Variants in CACHD1 observed in about 807,000 individuals in gnomAD.
CACHD1 encodes the protein cache domain containing 1.
A neutral mutation model predicts 138.7 loss-of-function variants in CACHD1; 71 were observed. That is an observed-to-expected ratio of 0.51 (90% confidence interval 0.42 to 0.62). The LOEUF (loss-of-function observed/expected upper bound fraction) is 0.62. CACHD1 is among the 20% of genes least tolerant of loss of function. The probability of loss-of-function intolerance (pLI) is 0.00; values close to 1 mark genes in which losing one functional copy is unlikely to be tolerated. For synonymous variants in CACHD1, 578 were observed against 591.5 expected (o/e 0.98, Z 0.33); for missense variants, 1,389 against 1,625.3 (o/e 0.85, Z 2.50).
intron 1 of CACHD1, among the ~76,000 whole-genome samples, chr1:64,491,599 C>T (rs1485804513): frequency 1.3e-5 from 2 of 152,258 alleles, no homozygotes; most frequent in South Asian, 2.1e-4. Flanking sequence ...CTCCAGGACC[C>T]TCCCCTGACA....
chr1:64,470,441 C>A lies in CACHD1; in HGVS notation c.-304C>A, dbSNP rs1349359786. 4.6e-5 allele frequency among the ~76,000 whole-genome samples: 7 copies of A among 151,496 alleles called. No individual in the cohort carries two copies. Among genetic ancestry groups the A allele is most frequent in the African/African-American group, 1.5e-4 (6 of 41,358 alleles). ...GGGCCCGCGCACCCCGGCCTGCGGG[C>A]GCCCCTGCTCTCGGAGACGCCCTCT... On this transcript the variant is annotated 5_prime_UTR_variant, in exon 1 of 27. Transcript: ENST00000651257. This position sits in a 1 kb window ranked among gnomAD's most constrained non-coding sequence, Gnocchi z 5.2.
intron 1 of CACHD1, among the ~76,000 whole-genome samples, chr1:64,499,228 G>GC: frequency 6.6e-6 from 1 of 152,286 alleles, no homozygotes; most frequent in South Asian, 2.1e-4. Flanking sequence ...GACTTGACCA[G>GC]CCCCTTATGG....
chr1:64,608,756 C>T (rs962342080), intron 4 of CACHD1, among the ~76,000 whole-genome samples: 1 of 152,126 alleles, frequency 6.6e-6, no homozygotes. Context: ...TACTTTCTCA[C>T]TCTCTCTCTT....
rs1646135097 is a variant in CACHD1 at position 64,470,363 on chromosome 1, G to A, written c.-382G>A. 6.6e-6 allele frequency among the ~76,000 whole-genome samples: 1 copy of A among 151,724 alleles called. No individual in the cohort carries two copies. The highest frequency in any genetic ancestry group is 2.4e-5 in the African/African-American group (1 of 41,386). On this transcript the variant is annotated 5_prime_UTR_variant, in exon 1 of 27. Coordinates refer to ENST00000651257, the MANE Select transcript of CACHD1 (RefSeq NM_020925.4). This position sits in a 1 kb window ranked among gnomAD's most constrained non-coding sequence, Gnocchi z 5.2. ...CTGGGACTCGCAGGAAGCGAGAGCC[G>A]CGCGGCTCGGCTCGGGCTCCGACTC...
intron 1 of CACHD1, among the ~76,000 whole-genome samples, chr1:64,526,391 CT>C (rs71584454): frequency 4.0e-5 from 6 of 151,052 alleles, no homozygotes; most frequent in African/African-American, 9.7e-5. Context: ...CTGCAAGTGC[CT>C]TTTTTTTTAA....
At chr1:64,595,622 A>G (rs1426299799) in intron 3 of CACHD1, among the ~76,000 whole-genome samples, 1 of 152,136 alleles carries the variant, frequency 6.6e-6, no homozygotes, top group African/African-American at 2.4e-5. Context: ...GATGAGGAAG[A>G]TAAGGATAAA....
intron 1 of CACHD1, among the ~76,000 whole-genome samples, chr1:64,505,531 C>A (rs1646366261): frequency 6.8e-6 from 1 of 147,116 alleles, no homozygotes; most frequent in African/African-American, 2.5e-5. Context: ...GACCTCCCCG[C>A]CCCCGGGCCG....
intron 1 of CACHD1, among the ~76,000 whole-genome samples, chr1:64,538,221 CT>C (rs1195390334): frequency 6.6e-6 from 1 of 152,156 alleles, no homozygotes; most frequent in Non-Finnish European, 1.5e-5. Context: ...TCCATAAAGG[CT>C]CACTACTTTG....
chr1:64,566,477 AT>A (rs1646881252), intron 2 of CACHD1, among the ~76,000 whole-genome samples: 1 of 9,680 alleles, frequency 1.0e-4, no homozygotes, highest in African/African-American at 3.0e-4. Context: ...TATGTTTTCA[AT>A]TCCCCCCCCC....
chr1:64,523,949 G>A (rs1646517631), intron 1 of CACHD1, among the ~76,000 whole-genome samples: 1 of 151,758 alleles, frequency 6.6e-6, no homozygotes, highest in South Asian at 2.1e-4. Context: ...CCAAGAACAA[G>A]ATTCTTGCAT....
chr1:64,614,136 A>C (rs1647627020), intron 4 of CACHD1, among the ~76,000 whole-genome samples: 1 of 152,244 alleles, frequency 6.6e-6, no homozygotes, highest in South Asian at 2.1e-4. Context: ...GGTATGAATA[A>C]ATAAGTGAAT....
chr1:64,503,246 G>C (rs1020657078), intron 1 of CACHD1, among the ~76,000 whole-genome samples: 1 of 152,158 alleles, frequency 6.6e-6, no homozygotes. Flanking sequence ...TGGAACAGCT[G>C]TGTTTTGGTA....
At chr1:64,632,515 T>G (rs999141087) in intron 5 of CACHD1, 84 bp from the exon 6 acceptor site, 2 of 1,403,690 alleles carry the variant, frequency 1.4e-6, no homozygotes, top group Non-Finnish European at 2.0e-6. Flanking sequence ...AACATGCCCA[T>G]GCACTGTAGT....
At chr1:64,665,832 G>T (rs548482594) in intron 15 of CACHD1, among the ~76,000 whole-genome samples, 1 of 151,930 alleles carries the variant, frequency 6.6e-6, no homozygotes, top group African/African-American at 2.4e-5. Context: ...GTGAAACCCC[G>T]TCTCTACTAA....
intron 1 of CACHD1, among the ~76,000 whole-genome samples, chr1:64,476,561 C>G (rs1231430995): frequency 2.0e-5 from 3 of 152,216 alleles, no homozygotes; most frequent in Non-Finnish European, 4.4e-5. Context: ...TGCTGTGTTG[C>G]TTTCTTTTGA....
At position 64,524,470 on chromosome 1, in the gene CACHD1, C is replaced by A. The variant is rs1489024605; in HGVS notation, c.199-26124C>A. On this transcript the variant is annotated intron_variant, in intron 1 of 26. Transcript: ENST00000651257. ...GGGTTTTTAACTCTTGACTGTGTGA[C>A]ATTACCCACATTAGTGGCCTGTTCT... Among the ~76,000 whole-genome samples, 3 of 152,318 alleles carry A rather than the reference C, an allele frequency of 2.0e-5. No homozygotes were observed. In the East Asian group the frequency reaches 5.8e-4, roughly 29 times the overall value.
intron 24 of CACHD1, 113 bp downstream of exon 24, chr1:64,679,869 T>G: frequency 8.1e-7 from 1 of 1,234,806 alleles, no homozygotes; most frequent in Non-Finnish European, 1.1e-6. Flanking sequence ...TCAGCTTCTG[T>G]GGAGTCATTT....
chr1:64,573,299 T>C (rs1646940284), intron 2 of CACHD1, among the ~76,000 whole-genome samples: 1 of 152,162 alleles, frequency 6.6e-6, no homozygotes, highest in Non-Finnish European at 1.5e-5. Flanking sequence ...AGACACTCTG[T>C]CTGCCATGTG....
chr1:64,678,173 T>C lies in CACHD1; in HGVS notation c.3107T>C (p.Val1036Ala). Residue 1036 changes from valine to alanine, a missense_variant, in exon 23 of 27, where the codon GTG becomes GCG. This residue lies in a region of CACHD1 where 250 missense variants were observed against 292.9 expected (regional missense o/e 0.85). Coordinates refer to ENST00000651257, the MANE Select transcript of CACHD1 (RefSeq NM_020925.4). ...TTTTCTGGCAGGGACTGTTTTGGGGTGCTGGATTGTGAATGGTGCATGGTG... is the reference window on the plus strand; with the variant it reads ...TTTTCTGGCAGGGACTGTTTTGGGGCGCTGGATTGTGAATGGTGCATGGTG... ...QRLESGDCFG[V>A]LDCEWCMVDS... is the part of the protein sequence containing the mutation. The C allele has an allele frequency of 6.2e-7, 1 of 1,611,422 alleles. No homozygotes were observed. The highest frequency in any genetic ancestry group is 1.7e-5 in the Admixed American group (1 of 59,544).
Sources: gnomAD v4.1 joint callset for allele counts (sites outside exome capture counted in the v4.1 genomes callset) on GRCh38, gnomAD v4.1.1 for gene constraint, gnomAD v4.1.1 regional missense constraint, Gnocchi (gnomAD v3.1) non-coding constraint, MANE v1.5 for transcripts, NCBI Gene and HGNC (gene_info 2026-07-23, HGNC 2026-07-21) for gene names.